Variants in TENM2 observed in about 807,000 individuals in gnomAD.
TENM2 encodes teneurin transmembrane protein 2.
TENM2 carries 52 observed loss-of-function variants against 245.2 expected under a neutral mutation model. That is an observed-to-expected ratio of 0.21 (90% CI 0.17 to 0.27). The LOEUF (loss-of-function observed/expected upper bound fraction) is 0.27, where lower values mean the gene tolerates loss of function less well. TENM2 is among the 10% of genes least tolerant of loss of function. The probability of loss-of-function intolerance (pLI) is 1.00; values close to 1 mark genes in which losing one functional copy is unlikely to be tolerated. For missense variants in TENM2, 3,046 were observed against 3,666.8 expected (o/e 0.83, Z 4.37); for synonymous variants, 1,363 against 1,438.9 (o/e 0.95, Z 1.19).
the TENM2 span, among the ~76,000 whole-genome samples, chr5:167,188,478 C>G: frequency 1.3e-4 from 20 of 152,092 alleles, no homozygotes; most frequent in Non-Finnish European, 2.6e-4. Flanking sequence ...ATTAGTAAAT[C>G]TTAATGACTG....
At chr5:167,520,200 C>T (rs1157388693) in intron 2 of TENM2, among the ~76,000 whole-genome samples, 2 of 152,112 alleles carry the variant, frequency 1.3e-5, no homozygotes, top group Non-Finnish European at 2.9e-5. Flanking sequence ...TTTTGATATT[C>T]CCTGTAACCA....
At chr5:167,028,046 G>C in the TENM2 span, among the ~76,000 whole-genome samples, 1 of 145,814 alleles carries the variant, frequency 6.9e-6, no homozygotes, top group Admixed American at 7.0e-5. Context: ...CTCCAGCCTG[G>C]GTAACAGAGT....
chr5:168,238,182 A>AGG (rs1554230237), intron 25 of TENM2, among the ~76,000 whole-genome samples: 2 of 44,144 alleles, frequency 4.5e-5, no homozygotes, highest in South Asian at 1.2e-3. Context: ...AGAGAGAGAG[A>AGG]GAGGGAGGGA....
At chr5:168,240,565 A>G (rs1765992580) in intron 25 of TENM2, among the ~76,000 whole-genome samples, 1 of 152,200 alleles carries the variant, frequency 6.6e-6, no homozygotes, top group Non-Finnish European at 1.5e-5. Flanking sequence ...GGCAATGCTG[A>G]GAATAACACT....
At chr5:167,702,545 T>TGC (rs1758212262) in intron 2 of TENM2, among the ~76,000 whole-genome samples, 4 of 121,180 alleles carry the variant, frequency 3.3e-5, no homozygotes, top group Non-Finnish European at 1.6e-5. Flanking sequence ...TATGTATGTG[T>TGC]GTGTGTGTAT....
intron 2 of TENM2, among the ~76,000 whole-genome samples, chr5:167,572,350 G>T (rs1374101889): frequency 2.0e-5 from 3 of 152,272 alleles, no homozygotes; most frequent in East Asian, 3.9e-4. Context: ...GGGATATGTT[G>T]TTGGGACATA....
chr5:167,252,703 A>G, the TENM2 span, among the ~76,000 whole-genome samples: 120 of 152,232 alleles, frequency 7.9e-4, no homozygotes, highest in African/African-American at 1.9e-3. Context: ...TGAAGACGAG[A>G]ACCTGAAATT....
chr5:167,978,282 C>T (rs1228008851), intron 4 of TENM2, among the ~76,000 whole-genome samples: 1 of 152,218 alleles, frequency 6.6e-6, no homozygotes, highest in East Asian at 1.9e-4. Context: ...TCCCCCAAAG[C>T]TTTCAAAGCA....
chr5:167,608,386 A>G (rs900095276), intron 2 of TENM2, among the ~76,000 whole-genome samples: 1 of 152,192 alleles, frequency 6.6e-6, no homozygotes, highest in Non-Finnish European at 1.5e-5. Flanking sequence ...AAGTTGTGAA[A>G]GTAGGCCATG....
rs149907537 is a variant in TENM2 at position 167,733,967 on chromosome 5, C to T, written c.503-142019C>T. Among the ~76,000 whole-genome samples the T allele has an allele frequency of 5.3e-5, 8 of 152,320 alleles. No homozygotes were observed. In the East Asian group the frequency reaches 1.5e-3, roughly 29 times the overall value. On this transcript the variant is annotated intron_variant, in intron 2 of 28. Coordinates refer to ENST00000518659, the Ensembl canonical transcript of TENM2. The stretch of plus-strand genomic sequence containing the variant: ...TAGAAACTTACCCAAGGTCACGTCT[C>T]ATACGTACTAAGGAGTGTAGTGAGA...
At chr5:167,358,004 C>G (rs547466889) in intron 1 of TENM2, among the ~76,000 whole-genome samples, 139 of 152,340 alleles carry the variant, frequency 9.1e-4, no homozygotes, top group African/African-American at 3.3e-3. Flanking sequence ...TGCAACATCA[C>G]GGTCCCACTG....
chr5:168,240,134 C>T (rs1399268944), intron 25 of TENM2, among the ~76,000 whole-genome samples: 1 of 152,208 alleles, frequency 6.6e-6, no homozygotes, highest in Non-Finnish European at 1.5e-5. Flanking sequence ...ACATGAGAAT[C>T]ACTTGAACCC....
At chr5:167,410,668 G>A (rs185830061) in intron 2 of TENM2, among the ~76,000 whole-genome samples, 1 of 152,078 alleles carries the variant, frequency 6.6e-6, no homozygotes, top group African/African-American at 2.4e-5. Flanking sequence ...GCATAAAGCA[G>A]GTCTAAAATT....
rs73379303 is a variant in TENM2, at chr5:168,064,608, C to T, written c.1515+2343C>T. ...AATGTCTTTTCTTCCTTTGTGGCTA[C>T]GCCACACTGTCCATCTCCTGCCTAG... On this transcript the variant is annotated intron_variant, in intron 7 of 28. Coordinates refer to ENST00000518659, the Ensembl canonical transcript of TENM2. Among the ~76,000 whole-genome samples, 1,129 of 152,314 alleles carry T rather than the reference C, an allele frequency of 7.4e-3. 16 individuals are homozygous for T. The highest frequency in any genetic ancestry group is 0.025 in the African/African-American group (1,055 of 41,574).
intron 7 of TENM2, among the ~76,000 whole-genome samples, chr5:168,064,375 A>G (rs1370536518): frequency 6.6e-6 from 1 of 152,174 alleles, no homozygotes; most frequent in African/African-American, 2.4e-5. Flanking sequence ...TTTGCTAAGA[A>G]AACTACTTCT....
chr5:167,233,908 G>A, the TENM2 span, among the ~76,000 whole-genome samples: 3 of 151,724 alleles, frequency 2.0e-5, no homozygotes, highest in Middle Eastern at 3.4e-3. Flanking sequence ...ACAGCTCAAA[G>A]TGAAATGGTG....
chr5:167,296,924 T>A (rs903336720), intron 1 of TENM2, among the ~76,000 whole-genome samples: 5 of 152,168 alleles, frequency 3.3e-5, no homozygotes, highest in Non-Finnish European at 5.9e-5. Flanking sequence ...GTCATTTTTG[T>A]TTCTAGACCA....
At chr5:167,504,082 T>G (rs2127560418) in intron 2 of TENM2, among the ~76,000 whole-genome samples, 1 of 152,286 alleles carries the variant, frequency 6.6e-6, no homozygotes, top group Non-Finnish European at 1.5e-5. Flanking sequence ...CTTCTTTATA[T>G]AACTTATTTT....
chr5:168,052,586 C>T (rs1789201835), intron 6 of TENM2, among the ~76,000 whole-genome samples: 2 of 152,090 alleles, frequency 1.3e-5, no homozygotes, highest in African/African-American at 2.4e-5. Flanking sequence ...AACCAAACCC[C>T]AGATGAGGAT....
Sources: gnomAD v4.1 joint callset for allele counts (sites outside exome capture counted in the v4.1 genomes callset) on GRCh38, gnomAD v4.1.1 for gene constraint, MANE v1.5 for transcripts, NCBI Gene and HGNC (gene_info 2026-07-23, HGNC 2026-07-21) for gene names.